The following OMA1 variants were observed in gnomAD, a reference collection of about 807,000 sequenced individuals.
OMA1 encodes metalloendopeptidase OMA1, mitochondrial.
In OMA1, 38 loss-of-function variants were observed where a neutral mutation model predicts 30.9. The ratio of observed to expected loss-of-function variants is 1.23; its 90% confidence interval spans 0.95 to 1.61. The LOEUF (loss-of-function observed/expected upper bound fraction) is 1.61, where lower values mean the gene tolerates loss of function less well. Ranked by LOEUF, OMA1 falls within the 40% of genes most tolerant of loss-of-function variation. OMA1 has a pLI of 0.00. For synonymous variants in OMA1, 173 were observed against 121.9 expected (o/e 1.42, Z -2.76); for missense variants, 461 against 349.2 (o/e 1.32, Z -2.55).
chr1:58,542,042 A>T (rs1009855902), intron 1 of OMA1, among the ~76,000 whole-genome samples: 1 of 152,230 alleles, frequency 6.6e-6, no homozygotes, highest in African/African-American at 2.4e-5. Flanking sequence ...TATTATCTAT[A>T]TATCAAACCA....
At chr1:58,489,031 A>G (rs1030943146) in intron 8 of OMA1, among the ~76,000 whole-genome samples, 1 of 152,230 alleles carries the variant, frequency 6.6e-6, no homozygotes, top group Non-Finnish European at 1.5e-5. Context: ...CAGAAGACGA[A>G]CGATTTCTCC....
chr1:58,538,102 T>C (rs557379520), intron 2 of OMA1, among the ~76,000 whole-genome samples: 1 of 152,210 alleles, frequency 6.6e-6, no homozygotes, highest in Non-Finnish European at 1.5e-5. Context: ...TTGGTTCATG[T>C]GGTAGTAAGA....
intron 8 of OMA1, among the ~76,000 whole-genome samples, chr1:58,483,347 TGA>T (rs760524020): frequency 1.3e-5 from 2 of 152,128 alleles, no homozygotes; most frequent in Non-Finnish European, 2.9e-5. Flanking sequence ...AACATTTCAT[TGA>T]GTCCCACAGG....
chr1:58,546,315 C>A (rs2406784), intron 1 of OMA1, among the ~76,000 whole-genome samples: 98,443 of 151,824 alleles, frequency 0.65, 34,013 homozygotes, highest in East Asian at 0.94. Context: ...GCCCGAAGCC[C>A]CGCGGGTGAG....
At chr1:58,489,129 C>T (rs1376795588) in intron 8 of OMA1, among the ~76,000 whole-genome samples, 3 of 152,104 alleles carry the variant, frequency 2.0e-5, no homozygotes, top group Non-Finnish European at 4.4e-5. Flanking sequence ...GAGCGTGAGC[C>T]GAAGTAGGGC....
intron 7 of OMA1, among the ~76,000 whole-genome samples, chr1:58,519,513 C>G (rs951945926): frequency 7.2e-5 from 11 of 152,136 alleles, no homozygotes; most frequent in Non-Finnish European, 1.6e-4. Context: ...ACCTCAGGCT[C>G]TGAATGAGTG....
intron 3 of OMA1, among the ~76,000 whole-genome samples, chr1:58,535,685 A>C (rs1646505849): frequency 6.6e-6 from 1 of 152,008 alleles, no homozygotes; most frequent in African/African-American, 2.4e-5. Flanking sequence ...ATTGAGCCAC[A>C]GGGCACATAA....
intron 8 of OMA1, among the ~76,000 whole-genome samples, chr1:58,491,383 CATA>C (rs1242825559): frequency 6.6e-6 from 1 of 152,124 alleles, no homozygotes; most frequent in Non-Finnish European, 1.5e-5. Context: ...CAGCTAACAT[CATA>C]ATGACAGGAT....
intron 7 of OMA1, among the ~76,000 whole-genome samples, chr1:58,518,949 T>TCATAATCA (rs1646216818): frequency 6.6e-6 from 1 of 152,170 alleles, no homozygotes; most frequent in Non-Finnish European, 1.5e-5. Flanking sequence ...AATAACTTGA[T>TCATAATCA]CATAATCACA....
At chr1:58,514,647 A>G (rs568827024) in intron 7 of OMA1, among the ~76,000 whole-genome samples, 2 of 152,312 alleles carry the variant, frequency 1.3e-5, no homozygotes, top group African/African-American at 4.8e-5. Context: ...TAAAATAATC[A>G]TCTGAGACAA....
chr1:58,492,593 G>C (rs540027546), intron 8 of OMA1, among the ~76,000 whole-genome samples: 1 of 152,028 alleles, frequency 6.6e-6, no homozygotes, highest in African/African-American at 2.4e-5. Context: ...TATCACCACC[G>C]ATCCCACAGA....
At chr1:58,504,148 CTCAAT>C (rs1645950271) in intron 8 of OMA1, among the ~76,000 whole-genome samples, 1 of 152,198 alleles carries the variant, frequency 6.6e-6, no homozygotes, top group Non-Finnish European at 1.5e-5. Context: ...CACTCCTCTG[CTCAAT>C]ATCCTCAACT....
chr1:58,518,349 A>AGAAGGGAAGGGAAGGGAAGG (rs757786615), intron 7 of OMA1, among the ~76,000 whole-genome samples: 22 of 59,696 alleles, frequency 3.7e-4, no homozygotes, highest in African/African-American at 1.4e-3. Context: ...AGAAGAGAAG[A>AGAAGGGAAGGGAAGGGAAGG]GAAGGGAAGG....
In OMA1 at chr1:58,538,806, G is replaced by T. The variant is rs778349241; in HGVS notation, c.489C>A (p.Ile163=). ...ILKPVQKLFA[I]IVGRGIRKWW... is the part of the protein sequence containing the mutation. ...AAAAAGCATTTTACCTGCCTACAAT[G>T]ATTGCAAATAACTTCTGTACTGGTT... is the stretch of plus-strand genomic sequence containing the variant. The change falls in exon 2 of 9, where the codon ATC becomes ATA. Residue 163 remains isoleucine (I), a synonymous_variant. Transcript: ENST00000371226. 2.5e-6 allele frequency: 2 copies of T among 808,644 alleles called. No individual in the cohort carries two copies. Among genetic ancestry groups the T allele is most frequent in the Non-Finnish European group, 2.1e-6 (1 of 475,908 alleles). 50.1% of individuals were successfully genotyped at this position (808,644 alleles called of 1,614,324 possible). A position where few individuals can be genotyped will look rare whatever the true frequency, so the allele number is the denominator to read the frequency against.
At chr1:58,523,400 T>C (rs1379859284) in intron 7 of OMA1, among the ~76,000 whole-genome samples, 2 of 152,216 alleles carry the variant, frequency 1.3e-5, no homozygotes, top group Non-Finnish European at 1.5e-5. Flanking sequence ...CAGACTTTCA[T>C]AATGTTCTAT....
At chr1:58,533,320 C>T (rs1255399229) in intron 5 of OMA1, among the ~76,000 whole-genome samples, 2 of 152,098 alleles carry the variant, frequency 1.3e-5, no homozygotes, top group East Asian at 1.9e-4. Flanking sequence ...AGTCCCAGTT[C>T]GGTTACTTTG....
intron 7 of OMA1, among the ~76,000 whole-genome samples, chr1:58,507,937 C>A (rs1228673536): frequency 6.6e-6 from 1 of 152,124 alleles, no homozygotes; most frequent in Non-Finnish European, 1.5e-5. Flanking sequence ...TTTGAATGGA[C>A]TACAAATTCA....
At chr1:58,518,223 G>GGGGAGAC (rs1557450011) in intron 7 of OMA1, among the ~76,000 whole-genome samples, 668 of 2,782 alleles carry the variant, frequency 0.24, 217 homozygotes, top group Non-Finnish European at 0.44. Context: ...AGAGGGGAGA[G>GGGGAGAC]GGGAGAGGGG....
At chr1:58,485,623 A>G (rs1271034956) in intron 8 of OMA1, among the ~76,000 whole-genome samples, 5 of 151,418 alleles carry the variant, frequency 3.3e-5, no homozygotes, top group African/African-American at 1.2e-4. Flanking sequence ...TTTCCTTTCC[A>G]TATTCATTTT....
Sources: gnomAD v4.1 joint callset for allele counts (sites outside exome capture counted in the v4.1 genomes callset) on GRCh38, gnomAD v4.1.1 for gene constraint, MANE v1.5 for transcripts, NCBI Gene and HGNC (gene_info 2026-07-23, HGNC 2026-07-21) for gene names.